The following TMEM132D variants were observed in gnomAD, a reference collection of about 807,000 sequenced individuals.
TMEM132D encodes the protein mature OL transmembrane protein.
A neutral mutation model predicts 62.3 loss-of-function variants in TMEM132D; 21 were observed. The observed-to-expected ratio is 0.34, with a 90% CI of 0.24 to 0.49. The LOEUF (loss-of-function observed/expected upper bound fraction) is 0.49. Among genes scored for constraint, TMEM132D ranks in the 20% least tolerant of loss-of-function variants. TMEM132D has a pLI of 0.99. For missense variants in TMEM132D, 1,346 were observed against 1,402.8 expected (o/e 0.96, Z 0.65); for synonymous variants, 621 against 575.6 (o/e 1.08, Z -1.13).
chr12:129,150,316 A>G (rs1877034828), intron 5 of TMEM132D, among the ~76,000 whole-genome samples: 1 of 152,320 alleles, frequency 6.6e-6, no homozygotes, highest in Admixed American at 6.5e-5. Context: ...AGCGACGAAC[A>G]GGGGGCTGAC....
chr12:129,794,907 T>C (rs1324586147), intron 1 of TMEM132D, among the ~76,000 whole-genome samples: 1 of 152,176 alleles, frequency 6.6e-6, no homozygotes, highest in African/African-American at 2.4e-5. Context: ...CATATATGCA[T>C]TTCCGGGGAA....
intron 2 of TMEM132D, among the ~76,000 whole-genome samples, chr12:129,542,755 CACG>C (rs912387794): frequency 6.6e-5 from 10 of 152,262 alleles, no homozygotes; most frequent in African/African-American, 2.2e-4. Context: ...TCATGCACTG[CACG>C]ACATTTTAGT....
chr12:129,526,656 GT>G (rs966518695), intron 3 of TMEM132D, among the ~76,000 whole-genome samples: 1 of 152,120 alleles, frequency 6.6e-6, no homozygotes, highest in African/African-American at 2.4e-5. Flanking sequence ...TTCCTACTTT[GT>G]TTTGAAGTAT....
At chr12:129,759,824 G>A (rs1382789130) in intron 1 of TMEM132D, among the ~76,000 whole-genome samples, 1 of 152,058 alleles carries the variant, frequency 6.6e-6, no homozygotes, top group East Asian at 1.9e-4. Context: ...TAGAGCAGTG[G>A]GAGAATACAA....
At chr12:129,605,318 G>A (rs769152576) in intron 2 of TMEM132D, among the ~76,000 whole-genome samples, 1 of 151,990 alleles carries the variant, frequency 6.6e-6, no homozygotes, top group Non-Finnish European at 1.5e-5. Flanking sequence ...ACTGACTCAT[G>A]TCTAAAAGAT....
At chr12:129,611,940 G>C (rs1460102420) in intron 2 of TMEM132D, among the ~76,000 whole-genome samples, 1 of 152,136 alleles carries the variant, frequency 6.6e-6, no homozygotes, top group Non-Finnish European at 1.5e-5. Flanking sequence ...ACATCCCCAA[G>C]TCTCATGCTC....
At chr12:129,584,644 C>T (rs1218087225) in intron 2 of TMEM132D, among the ~76,000 whole-genome samples, 3 of 152,200 alleles carry the variant, frequency 2.0e-5, no homozygotes, top group Non-Finnish European at 2.9e-5. Context: ...TGGCCCATTG[C>T]TCTAAAGAGG....
intron 1 of TMEM132D, among the ~76,000 whole-genome samples, chr12:129,763,693 T>C (rs1199217751): frequency 2.0e-5 from 3 of 152,086 alleles, no homozygotes; most frequent in Non-Finnish European, 4.4e-5. Flanking sequence ...ACTTTATAAC[T>C]ACAGACTCAG....
At chr12:129,533,262 C>T (rs79728853) in intron 2 of TMEM132D, among the ~76,000 whole-genome samples, 126 of 152,240 alleles carry the variant, frequency 8.3e-4, no homozygotes, top group African/African-American at 2.5e-3. Context: ...CGCATGCAGA[C>T]GCCAAAAAGC....
At chr12:129,886,870 G>A (rs907342984) in intron 1 of TMEM132D, among the ~76,000 whole-genome samples, 3 of 152,144 alleles carry the variant, frequency 2.0e-5, no homozygotes, top group Non-Finnish European at 2.9e-5. Context: ...GTTTTATAGA[G>A]GCTTTTCCCC....
At chr12:129,542,604 G>A (rs1593059018) in intron 2 of TMEM132D, among the ~76,000 whole-genome samples, 1 of 152,100 alleles carries the variant, frequency 6.6e-6, no homozygotes, top group Non-Finnish European at 1.5e-5. Context: ...TTTTCTAAGA[G>A]ATTAACATAC....
chr12:129,859,642 G>C lies in TMEM132D; in HGVS notation c.79+43619C>G, dbSNP rs923799198. ...AACCAATCAGCTGCCAACGCGGCTA[G>C]AAAAAAGCAGGCAAAGAGGGTGGGA... On this transcript the variant is annotated intron_variant, in intron 1 of 8. Coordinates refer to ENST00000422113, the MANE Select transcript of TMEM132D (RefSeq NM_133448.3). Among the ~76,000 whole-genome samples, 9 of 152,298 alleles carry C rather than the reference G, an allele frequency of 5.9e-5. No individual in the cohort carries two copies. In the South Asian group the frequency reaches 1.2e-3, roughly 21 times the overall value.
At chr12:129,369,985 G>C (rs952494764) in intron 3 of TMEM132D, among the ~76,000 whole-genome samples, 2 of 152,306 alleles carry the variant, frequency 1.3e-5, no homozygotes, top group Admixed American at 1.3e-4. Flanking sequence ...CAGTGGCAGG[G>C]GTGGGGGCTG....
Position 129,699,814 on chromosome 12 carries a change from A to G in TMEM132D, c.964T>C (p.Leu322=), listed in dbSNP as rs1347256619. ...SRNSTEDRFT[L]RAKVKKGVNI... is the part of the protein sequence containing the mutation. Reference sequence around the variant, plus strand: ...AGACATTGGGAAACGACTTACCTCAACGTGAAGCGATCTTCAGTGGAATTT... The same window carrying G: ...AGACATTGGGAAACGACTTACCTCAGCGTGAAGCGATCTTCAGTGGAATTT... Residue 322 remains leucine, a synonymous_variant, in exon 2 of 9, where the codon TTG becomes CTG. Coordinates refer to ENST00000422113, the MANE Select transcript of TMEM132D (RefSeq NM_133448.3). 1 of 1,613,756 alleles carries G rather than the reference A, an allele frequency of 6.2e-7. No individual in the cohort carries two copies. Among genetic ancestry groups the G allele is most frequent in the Admixed American group, 1.7e-5 (1 of 60,008 alleles).
At chr12:129,793,395 AG>A (rs1363276165) in intron 1 of TMEM132D, among the ~76,000 whole-genome samples, 2 of 152,304 alleles carry the variant, frequency 1.3e-5, no homozygotes, top group East Asian at 3.9e-4. Flanking sequence ...TTTTTGAGAC[AG>A]GGTCTCGCTC....
At chr12:129,694,792 A>G (rs1479338277) in intron 2 of TMEM132D, among the ~76,000 whole-genome samples, 2 of 152,186 alleles carry the variant, frequency 1.3e-5, no homozygotes, top group Non-Finnish European at 2.9e-5. Flanking sequence ...GCAGCTCACG[A>G]GGTCAGGAGA....
At chr12:129,642,424 C>T (rs1879663343) in intron 2 of TMEM132D, among the ~76,000 whole-genome samples, 1 of 152,228 alleles carries the variant, frequency 6.6e-6, no homozygotes, top group Non-Finnish European at 1.5e-5. Flanking sequence ...GTTGCTGCTT[C>T]ACAGTGGCCA....
intron 3 of TMEM132D, among the ~76,000 whole-genome samples, chr12:129,373,766 A>C (rs2135682270): frequency 6.6e-6 from 1 of 152,366 alleles, no homozygotes; most frequent in African/African-American, 2.4e-5. Context: ...ATTTAGGCTA[A>C]GTCTGGAGAG....
At chr12:129,500,352 G>A (rs866045989) in intron 3 of TMEM132D, among the ~76,000 whole-genome samples, 43 of 152,158 alleles carry the variant, frequency 2.8e-4, no homozygotes, top group African/African-American at 9.2e-4. Context: ...CAAATACCCT[G>A]AGCGGGGAGG....
Sources: gnomAD v4.1 joint callset for allele counts (sites outside exome capture counted in the v4.1 genomes callset) on GRCh38, gnomAD v4.1.1 for gene constraint, MANE v1.5 for transcripts, NCBI Gene and HGNC (gene_info 2026-07-23, HGNC 2026-07-21) for gene names.